CCDC7: variants seen among roughly 807,000 people sequenced by gnomAD.
The protein encoded by CCDC7 is coiled-coil domain containing 7, also known as coiled-coil domain-containing protein 7.
Under a neutral mutation model 196.9 loss-of-function variants are expected in CCDC7, and 183 were observed. That is an observed-to-expected ratio of 0.93 (90% CI 0.82 to 1.05). The LOEUF (loss-of-function observed/expected upper bound fraction) is 1.05, where lower values mean the gene tolerates loss of function less well. Among genes scored for constraint, CCDC7 ranks in the 50% least tolerant of loss-of-function variants. The pLI is 0.00. For synonymous variants in CCDC7, 525 were observed against 484.6 expected, an observed-to-expected ratio of 1.08 and a Z score of -1.10; for missense variants, 1,540 against 1,482.2, an observed-to-expected ratio of 1.04 and a Z score of -0.64.
intron 18 of CCDC7, among the ~76,000 whole-genome samples, chr10:32,590,927 C>T (rs1286650671): frequency 6.6e-6 from 1 of 152,016 alleles, no homozygotes. Context: ...TATCCTTGAC[C>T]TTTGGGAGTT....
At chr10:32,653,475 A>G (rs527488193) in intron 20 of CCDC7, among the ~76,000 whole-genome samples, 2 of 152,248 alleles carry the variant, frequency 1.3e-5, no homozygotes, top group East Asian at 1.9e-4. Context: ...GCTCTCTTCA[A>G]TGAATATTTT....
intron 25 of CCDC7, among the ~76,000 whole-genome samples, chr10:32,713,520 A>G (rs576558304): frequency 6.6e-6 from 1 of 152,354 alleles, no homozygotes; most frequent in East Asian, 1.9e-4. Flanking sequence ...TCTAAATTTC[A>G]TAAGATTACT....
chr10:32,729,183 G>T lies in CCDC7; in HGVS notation c.2780-149G>T, dbSNP rs1255229213. The stretch of plus-strand genomic sequence containing the variant: ...ATACTTTTTGGTTGGTATTTGAATG[G>T]TCATTAATTATAAGTAGTATCACTG... On this transcript the variant is annotated intron_variant, in intron 27 of 41. Transcript: ENST00000639629. The T allele has an allele frequency of 3.4e-6, 3 of 872,220 alleles. No individual in the cohort carries two copies. In the African/African-American group the frequency reaches 5.1e-5, roughly 15 times the overall value. The allele number at this position is 872,220 out of a possible 1,614,324, so 54.0% of individuals were successfully genotyped here.
intron 32 of CCDC7, among the ~76,000 whole-genome samples, chr10:32,825,692 A>C (rs1321644273): frequency 6.6e-6 from 1 of 152,142 alleles, no homozygotes; most frequent in Non-Finnish European, 1.5e-5. Flanking sequence ...TAATGTGATT[A>C]AACACAAAAA....
intron 11 of CCDC7, among the ~76,000 whole-genome samples, chr10:32,538,256 A>G (rs1001019903): frequency 1.3e-5 from 2 of 152,096 alleles, no homozygotes; most frequent in African/African-American, 4.8e-5. Context: ...GTGGCAGTTG[A>G]GAATGGGATT....
At chr10:32,836,829 T>C (rs2092641548) in intron 33 of CCDC7, among the ~76,000 whole-genome samples, 1 of 152,130 alleles carries the variant, frequency 6.6e-6, no homozygotes, top group South Asian at 2.1e-4. Flanking sequence ...ATAAATAGGT[T>C]CAGATATTTA....
chr10:32,711,728 G>T, exon 25 of CCDC7: 1 of 1,531,978 alleles, frequency 6.5e-7, no homozygotes. Context: ...GAAGGACGTA[G>T]CAGTAAGTAT....
intron 20 of CCDC7, among the ~76,000 whole-genome samples, chr10:32,641,890 G>A (rs544608623): frequency 6.6e-6 from 1 of 152,326 alleles, no homozygotes; most frequent in African/African-American, 2.4e-5. Flanking sequence ...CTCAGCTGCA[G>A]GTCTGTTGGA....
At chr10:32,620,009 G>A (rs1453120144) in intron 18 of CCDC7, among the ~76,000 whole-genome samples, 3 of 134,044 alleles carry the variant, frequency 2.2e-5, no homozygotes, top group African/African-American at 5.9e-5. Context: ...TGCAACCTCC[G>A]CTTCCTGGGT....
intron 30 of CCDC7, among the ~76,000 whole-genome samples, chr10:32,806,190 G>A (rs11812873): frequency 0.046 from 7,055 of 151,806 alleles, 548 homozygotes; most frequent in African/African-American, 0.16. Flanking sequence ...AAGAGTTTTC[G>A]GTAAAATAAT....
chr10:32,715,292 C>A (rs1349691739), intron 25 of CCDC7, among the ~76,000 whole-genome samples: 1 of 152,176 alleles, frequency 6.6e-6, no homozygotes, highest in Non-Finnish European at 1.5e-5. Flanking sequence ...TTCCAGCAGA[C>A]CTGCAGAAGA....
chr10:32,766,290 A>T (rs1379554808), intron 28 of CCDC7, among the ~76,000 whole-genome samples: 1 of 151,918 alleles, frequency 6.6e-6, no homozygotes. Flanking sequence ...ACTTCTCTGT[A>T]TATTAAGGCA....
intron 3 of CCDC7, 132 bp downstream of exon 4, chr10:32,456,466 A>C: frequency 1.4e-6 from 1 of 695,346 alleles, no homozygotes; most frequent in Non-Finnish European, 2.1e-6. Flanking sequence ...TGGCATTGGA[A>C]AACATTATTT....
At chr10:32,472,424 T>C (rs2038130706) in intron 6 of CCDC7, 57 bp from the exon 8 acceptor site, 8 of 1,459,736 alleles carry the variant, frequency 5.5e-6, no homozygotes, top group Non-Finnish European at 6.4e-6. Flanking sequence ...TTTAGTGTAA[T>C]TTAAACTCTT....
intron 23 of CCDC7, among the ~76,000 whole-genome samples, chr10:32,690,672 G>C (rs1427305176): frequency 6.6e-6 from 1 of 152,160 alleles, no homozygotes; most frequent in African/African-American, 2.4e-5. Context: ...CAGCCTTTCT[G>C]TTTCTTCCTA....
intron 31 of CCDC7, among the ~76,000 whole-genome samples, chr10:32,820,503 G>T (rs1327178789): frequency 6.6e-6 from 1 of 152,108 alleles, no homozygotes; most frequent in Non-Finnish European, 1.5e-5. Flanking sequence ...AGCCCACATT[G>T]CCAAGTCAAT....
At chr10:32,713,423 T>C (rs1229806840) in intron 25 of CCDC7, among the ~76,000 whole-genome samples, 1 of 152,230 alleles carries the variant, frequency 6.6e-6, no homozygotes, top group Non-Finnish European at 1.5e-5. Flanking sequence ...GACCTTGTAC[T>C]AACCCCTAGT....
intron 24 of CCDC7, among the ~76,000 whole-genome samples, chr10:32,695,785 G>A (rs142974359): frequency 6.7e-4 from 102 of 152,270 alleles, no homozygotes; most frequent in East Asian, 1.2e-3. Flanking sequence ...CAAGGATGCC[G>A]AAAAGGGCAT....
At chr10:32,672,302 A>G (rs1053601181) in intron 21 of CCDC7, among the ~76,000 whole-genome samples, 2 of 152,198 alleles carry the variant, frequency 1.3e-5, no homozygotes, top group Non-Finnish European at 2.9e-5. Flanking sequence ...CCAGCTCTCT[A>G]TGATGGCTAA....
Sources: allele counts gnomAD v4.1 joint callset (sites outside exome capture counted in the v4.1 genomes callset), GRCh38; gene constraint gnomAD v4.1.1; transcripts MANE v1.5; gene names NCBI Gene and HGNC (gene_info 2026-07-23, HGNC 2026-07-21).